The following ROBO1 variants were observed in gnomAD, a reference collection of about 807,000 sequenced individuals.
The protein encoded by ROBO1 is roundabout homolog 1.
ROBO1 carries 149 observed loss-of-function variants against 195.9 expected under a neutral mutation model. The observed-to-expected ratio is 0.76, with a 90% CI of 0.67 to 0.87. The LOEUF (loss-of-function observed/expected upper bound fraction) is 0.87. Among genes scored for constraint, ROBO1 ranks in the 40% least tolerant of loss-of-function variants. ROBO1 has a pLI of 0.00. For synonymous variants in ROBO1, 816 were observed against 733.2 expected, an observed-to-expected ratio of 1.11 and a Z score of -1.82; for missense variants, 1,933 against 2,068.3, an observed-to-expected ratio of 0.93 and a Z score of 1.27.
chr3:79,472,357 G>T (rs912504156), intron 2 of ROBO1, among the ~76,000 whole-genome samples: 1 of 151,932 alleles, frequency 6.6e-6, no homozygotes, highest in Non-Finnish European at 1.5e-5. Context: ...CCCTCTTTAG[G>T]CCCATCCAAG....
chr3:79,162,783 A>C (rs761862414), intron 2 of ROBO1, among the ~76,000 whole-genome samples: 11 of 152,130 alleles, frequency 7.2e-5, no homozygotes, highest in Non-Finnish European at 1.5e-4. Context: ...TCAGGTGTAC[A>C]TTCTTAGCAG....
intron 2 of ROBO1, among the ~76,000 whole-genome samples, chr3:79,215,587 G>C (rs571137063): frequency 2.9e-4 from 44 of 152,272 alleles, no homozygotes; most frequent in Middle Eastern, 3.4e-3. Context: ...GATTATGGTC[G>C]TTCTCCTCAA....
Position 79,480,963 on chromosome 3 carries a change from T to G in ROBO1, c.88+108861A>C, listed in dbSNP as rs77988461. On this transcript the variant is annotated intron_variant, in intron 2 of 30. Coordinates refer to ENST00000464233, the MANE Select transcript of ROBO1 (RefSeq NM_002941.4). ...CACAGAGAAGACATGTGAGATCAAT[T>G]TTTTTTCCTCCATACATTTCCTATT... is the stretch of plus-strand genomic sequence containing the variant. Among the ~76,000 whole-genome samples the G allele has an allele frequency of 2.2e-3, 342 of 152,252 alleles. 2 individuals are homozygous for G. The highest frequency in any genetic ancestry group is 7.7e-3 in the African/African-American group (320 of 41,562).
At chr3:79,210,081 T>C (rs761157459) in intron 2 of ROBO1, among the ~76,000 whole-genome samples, 3 of 152,138 alleles carry the variant, frequency 2.0e-5, no homozygotes, top group Non-Finnish European at 4.4e-5. Context: ...TGGAAACACA[T>C]CCCATGCTCA....
At chr3:79,059,416 T>G (rs193213489) in intron 3 of ROBO1, among the ~76,000 whole-genome samples, 13 of 152,146 alleles carry the variant, frequency 8.5e-5, no homozygotes, top group Admixed American at 7.9e-4. Flanking sequence ...TCGGCTTATC[T>G]TTACTGTGTG....
At chr3:79,557,432 A>G (rs909234147) in intron 2 of ROBO1, among the ~76,000 whole-genome samples, 1 of 152,052 alleles carries the variant, frequency 6.6e-6, no homozygotes, top group African/African-American at 2.4e-5. Context: ...TTTAAGATAC[A>G]TAATTAAAAA....
chr3:79,460,182 GA>G (rs1450183735), intron 2 of ROBO1, among the ~76,000 whole-genome samples: 1 of 152,156 alleles, frequency 6.6e-6, no homozygotes, highest in African/African-American at 2.4e-5. Flanking sequence ...TAGAAGGAAA[GA>G]GGAAAGTTGG....
intron 1 of ROBO1, among the ~76,000 whole-genome samples, chr3:79,749,471 G>A (rs1009014784): frequency 5.3e-5 from 8 of 152,164 alleles, no homozygotes; most frequent in African/African-American, 1.7e-4. Context: ...TGTTAATTCC[G>A]AAGGCAATGT....
intron 1 of ROBO1, among the ~76,000 whole-genome samples, chr3:79,730,055 C>T (rs1385793834): frequency 6.6e-6 from 1 of 152,060 alleles, no homozygotes; most frequent in African/African-American, 2.4e-5. Flanking sequence ...TGTATTATCC[C>T]CATTGATGAT....
intron 1 of ROBO1, among the ~76,000 whole-genome samples, chr3:79,729,644 AT>A (rs1444450464): frequency 6.6e-6 from 1 of 152,126 alleles, no homozygotes; most frequent in Non-Finnish European, 1.5e-5. Flanking sequence ...TATACACATA[AT>A]TTGCTCTTCA....
intron 1 of ROBO1, among the ~76,000 whole-genome samples, chr3:79,688,178 A>G (rs1205035594): frequency 5.2e-5 from 7 of 133,462 alleles, no homozygotes; most frequent in African/African-American, 2.0e-4. Context: ...ATGAAAACAC[A>G]TGGACACAGG....
chr3:78,806,436 A>G (rs1263117079), intron 4 of ROBO1, among the ~76,000 whole-genome samples: 1 of 152,180 alleles, frequency 6.6e-6, no homozygotes, highest in Admixed American at 6.5e-5. Flanking sequence ...AAAAAGTGCT[A>G]AAAGTGTTTT....
intron 4 of ROBO1, among the ~76,000 whole-genome samples, chr3:78,917,955 C>G (rs2038716704): frequency 6.6e-6 from 1 of 152,172 alleles, no homozygotes; most frequent in Non-Finnish European, 1.5e-5. Flanking sequence ...ACAGAAGCTA[C>G]TACGACACAG....
At chr3:79,189,604 T>C (rs2081502875) in intron 2 of ROBO1, among the ~76,000 whole-genome samples, 1 of 151,722 alleles carries the variant, frequency 6.6e-6, no homozygotes, top group Admixed American at 6.6e-5. Flanking sequence ...AGAAAATATA[T>C]TAGGCCAATA....
At chr3:79,466,537 G>A (rs1937968306) in intron 2 of ROBO1, among the ~76,000 whole-genome samples, 1 of 152,006 alleles carries the variant, frequency 6.6e-6, no homozygotes, top group African/African-American at 2.4e-5. Context: ...TACAAGAAGA[G>A]TTCTATCAGG....
chr3:79,479,372 C>A (rs1311919831), intron 2 of ROBO1, among the ~76,000 whole-genome samples: 1 of 152,178 alleles, frequency 6.6e-6, no homozygotes, highest in Non-Finnish European at 1.5e-5. Context: ...ATAGGGTTCA[C>A]ATTCCTATGA....
intron 5 of ROBO1, among the ~76,000 whole-genome samples, chr3:78,732,874 A>G (rs1576044106): frequency 6.6e-6 from 1 of 152,166 alleles, no homozygotes; most frequent in East Asian, 1.9e-4. Flanking sequence ...TTCTAATGCA[A>G]TAGGCTTTTA....
At chr3:79,135,537 G>A (rs1215266634) in intron 2 of ROBO1, among the ~76,000 whole-genome samples, 2 of 152,144 alleles carry the variant, frequency 1.3e-5, no homozygotes, top group African/African-American at 4.8e-5. Flanking sequence ...ATTAAGGCAT[G>A]AGATATCATA....
chr3:78,636,016 T>A lies in ROBO1; in HGVS notation c.3130A>T (p.Ser1044Cys), dbSNP rs900670279. 15 of 1,613,756 alleles carry A rather than the reference T, an allele frequency of 9.3e-6. No individual in the cohort carries two copies. Among genetic ancestry groups the A allele is most frequent in the Non-Finnish European group, 1.1e-5 (13 of 1,179,822 alleles). Reference sequence around the variant, plus strand: ...GTTTTCATCTCATTGATTTTGTTACTAAGGTCCACATCACCATAAACAGTT... The same window carrying A: ...GTTTTCATCTCATTGATTTTGTTACAAAGGTCCACATCACCATAAACAGTT... ...ESTVYGDVDL[S>C]NKINEMKTFN... Residue 1044 changes from serine (S) to cysteine (C), a missense_variant, in exon 23 of 31, where the codon AGT becomes TGT. Ser to Cys is a moderately radical substitution (Grantham distance 112). This residue lies in a region of ROBO1 where 1,737 missense variants were observed against 1,882.5 expected (regional missense o/e 0.92). Coordinates refer to ENST00000464233, the MANE Select transcript of ROBO1 (RefSeq NM_002941.4).
Sources: gnomAD v4.1 joint callset for allele counts (sites outside exome capture counted in the v4.1 genomes callset) on GRCh38, gnomAD v4.1.1 for gene constraint, gnomAD v4.1.1 regional missense constraint, MANE v1.5 for transcripts, NCBI Gene and HGNC (gene_info 2026-07-23, HGNC 2026-07-21) for gene names.